Variants in CENPP observed in about 807,000 individuals in gnomAD.
CENPP encodes the protein centromere protein P.
Under a neutral mutation model 35.6 loss-of-function variants are expected in CENPP, and 24 were observed. That is an observed-to-expected ratio of 0.67 (90% CI 0.49 to 0.95). CENPP has a LOEUF of 0.95. Ranked by LOEUF, CENPP falls within the 40% of genes least tolerant of loss-of-function variation. CENPP has a pLI of 0.00. For missense variants in CENPP, 332 were observed against 345.3 expected, an observed-to-expected ratio of 0.96 and a Z score of 0.31; for synonymous variants, 120 against 125.5, an observed-to-expected ratio of 0.96 and a Z score of 0.29.
chr9:92,581,162 C>T (rs1269546500), intron 5 of CENPP, among the ~76,000 whole-genome samples: 1 of 151,972 alleles, frequency 6.6e-6, no homozygotes, highest in Non-Finnish European at 1.5e-5. Flanking sequence ...CTGTGAGAGA[C>T]CCTGTCTTTT....
At position 92,615,912 on chromosome 9, in the gene CENPP, C is replaced by T; in HGVS notation, c.*2763C>T. ...ATCACGGCGTTGTCTTTGGCACGTACAGTCTTTGAATAATAGTTGACGATC... is the reference window on the plus strand; with the variant it reads ...ATCACGGCGTTGTCTTTGGCACGTATAGTCTTTGAATAATAGTTGACGATC... On this transcript the variant is annotated 3_prime_UTR_variant, in exon 8 of 8. Coordinates refer to ENST00000375587, the MANE Select transcript of CENPP (RefSeq NM_001012267.3). 6.2e-7 allele frequency: 1 copy of T among 1,614,182 alleles called. No homozygotes were observed. The highest frequency in any genetic ancestry group is 8.5e-7 in the Non-Finnish European group (1 of 1,180,040).
chr9:92,608,072 T>C (rs1044362858), intron 5 of CENPP, among the ~76,000 whole-genome samples: 1 of 152,192 alleles, frequency 6.6e-6, no homozygotes, highest in Non-Finnish European at 1.5e-5. Flanking sequence ...CCAGTTAGTG[T>C]GCTCAGCGAG....
chr9:92,550,470 T>C (rs1849565082), intron 5 of CENPP, among the ~76,000 whole-genome samples: 1 of 152,158 alleles, frequency 6.6e-6, no homozygotes, highest in African/African-American at 2.4e-5. Context: ...AATGAAATAG[T>C]TCAGTTTCTT....
At chr9:92,504,497 A>G (rs1240135675) in intron 5 of CENPP, among the ~76,000 whole-genome samples, 1 of 152,118 alleles carries the variant, frequency 6.6e-6, no homozygotes, top group East Asian at 1.9e-4. Context: ...GCCAGTATGT[A>G]TAGACTCTCT....
In CENPP at chr9:92,613,295, C is replaced by A; in HGVS notation, c.*146C>A. 1 of 832,762 alleles carries A rather than the reference C, an allele frequency of 1.2e-6. No individual in the cohort carries two copies. The highest frequency in any genetic ancestry group is 1.8e-5 in the South Asian group (1 of 56,356). The allele number at this position is 832,762 out of a possible 1,614,324, so 51.6% of individuals were successfully genotyped here. A position where few individuals can be genotyped will look rare whatever the true frequency, so the allele number is the denominator to read the frequency against. ...AGTTATGGCACATTATATGGAAACT[C>A]TCATGACATGAAAAATAAATACAAC... On this transcript the variant is annotated 3_prime_UTR_variant, in exon 8 of 8. Coordinates refer to ENST00000375587, the MANE Select transcript of CENPP (RefSeq NM_001012267.3).
intron 5 of CENPP, among the ~76,000 whole-genome samples, chr9:92,473,004 A>G (rs896448465): frequency 1.3e-5 from 2 of 152,160 alleles, no homozygotes; most frequent in African/African-American, 2.4e-5. Flanking sequence ...TTTTATGGTC[A>G]CGTTTTGGGG....
chr9:92,329,148 T>C (rs535871820), intron 1 of CENPP, among the ~76,000 whole-genome samples: 1 of 151,926 alleles, frequency 6.6e-6, no homozygotes, highest in Admixed American at 6.5e-5. Context: ...TGACATTTGG[T>C]GTTCACTTGT....
chr9:92,468,320 G>A (rs1207448620), intron 5 of CENPP, among the ~76,000 whole-genome samples: 1 of 152,242 alleles, frequency 6.6e-6, no homozygotes, highest in Non-Finnish European at 1.5e-5. Context: ...TGGTGAGCTG[G>A]CTGAGTGATC....
chr9:92,614,532 A>C lies in CENPP; in HGVS notation c.*1383A>C, dbSNP rs561996259. ...TAGAATTAGAAGTAAATATGACAGA[A>C]TTGAACAATAAATTCTAGAAGAGTT... On this transcript the variant is annotated 3_prime_UTR_variant, in exon 8 of 8. Coordinates refer to ENST00000375587, the MANE Select transcript of CENPP (RefSeq NM_001012267.3). The C allele has an allele frequency of 1.3e-5, 2 of 152,794 alleles. No individual in the cohort carries two copies. Among genetic ancestry groups the C allele is most frequent in the East Asian group, 1.9e-4 (1 of 5,190 alleles). The allele number at this position is 152,794 out of a possible 1,614,324, so 9.5% of individuals were successfully genotyped here.
In CENPP at chr9:92,613,166, G is replaced by A. The variant is rs72754495; in HGVS notation, c.*17G>A. 5.0e-3 allele frequency: 8,056 copies of A among 1,613,972 alleles called. 43 individuals are homozygous for A. The highest frequency in any genetic ancestry group is 5.0e-3 in the Non-Finnish European group (5,953 of 1,179,886). The stretch of plus-strand genomic sequence containing the variant: ...AACAACTAGTTCCAAAACAGTGAAC[G>A]TGGAGGATGAAGATGCTGCGTGGAG... On this transcript the variant is annotated 3_prime_UTR_variant, in exon 8 of 8. Transcript: ENST00000375587.
chr9:92,350,229 T>C (rs1294331849), intron 4 of CENPP, among the ~76,000 whole-genome samples: 2 of 152,240 alleles, frequency 1.3e-5, no homozygotes, highest in African/African-American at 4.8e-5. Flanking sequence ...GAAATTGAAA[T>C]GGGTTACTGC....
intron 5 of CENPP, among the ~76,000 whole-genome samples, chr9:92,518,945 A>G (rs1847896495): frequency 6.6e-6 from 1 of 152,204 alleles, no homozygotes; most frequent in African/African-American, 2.4e-5. Flanking sequence ...ATTTCCCTAC[A>G]TACAAGATTG....
chr9:92,587,813 C>T (rs529132379), intron 5 of CENPP, among the ~76,000 whole-genome samples: 1 of 152,052 alleles, frequency 6.6e-6, no homozygotes, highest in Non-Finnish European at 1.5e-5. Context: ...TAAATGTCAC[C>T]TAACTGATCA....
In CENPP at chr9:92,395,534, G is replaced by A. The variant is rs187444408; in HGVS notation, c.564+15675G>A. 2.0e-5 allele frequency among the ~76,000 whole-genome samples: 3 copies of A among 152,280 alleles called. No homozygotes were observed. The East Asian group carries it at 5.8e-4, about 29-fold the overall frequency. ...TCTCTTGGGTAAGTACCTAAGGAGTGGAATGGCTGGGTCTTTTTATAAATG... is the reference window on the plus strand; with the variant it reads ...TCTCTTGGGTAAGTACCTAAGGAGTAGAATGGCTGGGTCTTTTTATAAATG... On this transcript the variant is annotated intron_variant, in intron 5 of 7. Transcript: ENST00000375587.
At chr9:92,561,962 T>C (rs1011107379) in intron 5 of CENPP, among the ~76,000 whole-genome samples, 1 of 152,200 alleles carries the variant, frequency 6.6e-6, no homozygotes, top group Non-Finnish European at 1.5e-5. Context: ...AGAAGCTAAA[T>C]GACTTTTCAG....
At chr9:92,530,755 G>GTA (rs2131278557) in intron 5 of CENPP, among the ~76,000 whole-genome samples, 1 of 152,186 alleles carries the variant, frequency 6.6e-6, no homozygotes, top group African/African-American at 2.4e-5. Flanking sequence ...TGTTAACTGA[G>GTA]TATATTATGT....
In CENPP at chr9:92,578,738, C is replaced by T. The variant is rs557873132; in HGVS notation, c.565-32576C>T. 3.6e-3 allele frequency among the ~76,000 whole-genome samples: 549 copies of T among 151,918 alleles called. 4 individuals carry two copies. Among genetic ancestry groups the T allele is most frequent in the African/African-American group, 0.012 (503 of 41,486 alleles). On this transcript the variant is annotated intron_variant, in intron 5 of 7. Transcript: ENST00000375587. ...TGAGTAGGTTGCGAAAATTTTCTCC[C>T]ATTCTGTAGGTTGCCTGTTCACTCT... is the stretch of plus-strand genomic sequence containing the variant.
chr9:92,612,035 C>G (rs964682003), intron 6 of CENPP, among the ~76,000 whole-genome samples: 3 of 152,190 alleles, frequency 2.0e-5, no homozygotes, highest in Non-Finnish European at 4.4e-5. Context: ...TGCTCATCCT[C>G]CCGGAGGGGA....
intron 5 of CENPP, among the ~76,000 whole-genome samples, chr9:92,555,772 T>A (rs111654836): frequency 0.021 from 3,131 of 152,326 alleles, 113 homozygotes; most frequent in African/African-American, 0.071. Flanking sequence ...TATTTGGATT[T>A]TCTCTCTTCT....
Sources: gnomAD v4.1 joint callset for allele counts (sites outside exome capture counted in the v4.1 genomes callset) on GRCh38, gnomAD v4.1.1 for gene constraint, MANE v1.5 for transcripts, NCBI Gene and HGNC (gene_info 2026-07-23, HGNC 2026-07-21) for gene names.